DEPTOR: variants seen among roughly 807,000 people sequenced by gnomAD.
DEPTOR encodes the protein DEP domain containing MTOR interacting protein.
DEPTOR carries 41 observed loss-of-function variants against 41.6 expected under a neutral mutation model. The observed-to-expected ratio is 0.98, with a 90% confidence interval of 0.77 to 1.28. The LOEUF is 1.28. Ranked by LOEUF, DEPTOR falls within the 50% of genes most tolerant of loss-of-function variation. DEPTOR has a pLI of 0.00. For missense variants in DEPTOR, 514 were observed against 527.9 expected, an observed-to-expected ratio of 0.97 and a Z score of 0.26; for synonymous variants, 195 against 192.3, an observed-to-expected ratio of 1.01 and a Z score of -0.12.
chr8:119,918,813 C>T (rs927348117), intron 1 of DEPTOR, among the ~76,000 whole-genome samples: 3 of 152,076 alleles, frequency 2.0e-5, no homozygotes, highest in Non-Finnish European at 4.4e-5. Context: ...AGGCTGGTCT[C>T]GAACTCCCAA....
chr8:120,023,333 C>T (rs951300117), intron 8 of DEPTOR, among the ~76,000 whole-genome samples: 5 of 152,014 alleles, frequency 3.3e-5, no homozygotes, highest in African/African-American at 7.2e-5. Context: ...CTCTGCTTCC[C>T]GGGTTCAAGT....
At chr8:119,944,243 T>C (rs1828240467) in intron 3 of DEPTOR, among the ~76,000 whole-genome samples, 1 of 152,218 alleles carries the variant, frequency 6.6e-6, no homozygotes, top group African/African-American at 2.4e-5. Flanking sequence ...CCCATCTCCT[T>C]GAGTGGACAG....
At chr8:119,934,445 T>C (rs1182025394) in intron 3 of DEPTOR, among the ~76,000 whole-genome samples, 1 of 152,216 alleles carries the variant, frequency 6.6e-6, no homozygotes, top group Admixed American at 6.5e-5. Flanking sequence ...GCAATGGCTG[T>C]AGGCTCTGGA....
intron 3 of DEPTOR, among the ~76,000 whole-genome samples, chr8:119,954,030 T>C (rs1279862944): frequency 1.7e-5 from 2 of 117,488 alleles, no homozygotes; most frequent in Non-Finnish European, 3.7e-5. Context: ...GGTCTCAAGA[T>C]CCTGACCTCA....
intron 1 of DEPTOR, among the ~76,000 whole-genome samples, chr8:119,914,725 C>T (rs1230093904): frequency 6.6e-6 from 1 of 152,236 alleles, no homozygotes; most frequent in Admixed American, 6.5e-5. Context: ...CAGGCGTGAG[C>T]TTGCCAATCC....
chr8:120,040,063 C>T lies in DEPTOR; in HGVS notation c.1102-9513C>T, dbSNP rs113939494. On this transcript the variant is annotated intron_variant, in intron 8 of 8. Transcript: ENST00000286234. ...TTCACCATGTTGGCCAGGCTGGTCTCGAACTCCTGACTCCAAGTGATGCGC... is the reference window on the plus strand; with the variant it reads ...TTCACCATGTTGGCCAGGCTGGTCTTGAACTCCTGACTCCAAGTGATGCGC... Among the ~76,000 whole-genome samples, 96 of 152,002 alleles carry T rather than the reference C, an allele frequency of 6.3e-4. 1 individual carries two copies. The highest frequency in any genetic ancestry group is 2.1e-3 in the African/African-American group (86 of 41,496).
chr8:119,892,944 G>A (rs962211155), intron 1 of DEPTOR, among the ~76,000 whole-genome samples: 8 of 152,082 alleles, frequency 5.3e-5, no homozygotes, highest in African/African-American at 1.4e-4. Context: ...CACCATGCCC[G>A]GCTAAATTTT....
At chr8:119,893,725 G>A (rs931860709) in intron 1 of DEPTOR, among the ~76,000 whole-genome samples, 2 of 152,020 alleles carry the variant, frequency 1.3e-5, no homozygotes, top group Admixed American at 6.6e-5. Flanking sequence ...CTACTCGGGA[G>A]GCTGAGGCAG....
chr8:119,991,549 C>T (rs1293648858), intron 4 of DEPTOR, among the ~76,000 whole-genome samples: 1 of 152,130 alleles, frequency 6.6e-6, no homozygotes, highest in African/African-American at 2.4e-5. Flanking sequence ...AACTCCTGGC[C>T]TCAAGTGGTC....
chr8:119,929,561 T>TATGATG (rs3834882), intron 2 of DEPTOR, among the ~76,000 whole-genome samples: 13 of 151,528 alleles, frequency 8.6e-5, no homozygotes, highest in South Asian at 8.3e-4. Context: ...ACTTCCTAAA[T>TATGATG]ATGATGATGA....
intron 4 of DEPTOR, among the ~76,000 whole-genome samples, chr8:119,991,915 G>A (rs1224882267): frequency 1.3e-5 from 2 of 152,174 alleles, no homozygotes; most frequent in Non-Finnish European, 2.9e-5. Context: ...CTGTCAGACT[G>A]TGATCTAGCA....
At chr8:119,980,195 C>T (rs938309071) in intron 4 of DEPTOR, among the ~76,000 whole-genome samples, 2 of 150,176 alleles carry the variant, frequency 1.3e-5, no homozygotes, top group African/African-American at 4.9e-5. Context: ...TTAAATTAAT[C>T]TTCATAATAT....
At chr8:120,047,211 G>A (rs531073050) in intron 8 of DEPTOR, among the ~76,000 whole-genome samples, 2 of 152,012 alleles carry the variant, frequency 1.3e-5, no homozygotes, top group African/African-American at 4.8e-5. Context: ...TAGTAGAGAT[G>A]GGGTTTCACC....
At chr8:120,033,597 G>A (rs1812928870) in intron 8 of DEPTOR, among the ~76,000 whole-genome samples, 1 of 152,170 alleles carries the variant, frequency 6.6e-6, no homozygotes, top group African/African-American at 2.4e-5. Flanking sequence ...TTGGCAAAAT[G>A]TTTTTCACTC....
chr8:119,944,917 G>C (rs559276635), intron 3 of DEPTOR, among the ~76,000 whole-genome samples: 1 of 152,116 alleles, frequency 6.6e-6, no homozygotes, highest in South Asian at 2.1e-4. Flanking sequence ...GCCTCCCAAA[G>C]TGCTGGGATT....
At chr8:120,005,019 A>T (rs1040560967) in intron 6 of DEPTOR, among the ~76,000 whole-genome samples, 3 of 152,188 alleles carry the variant, frequency 2.0e-5, no homozygotes, top group Non-Finnish European at 1.5e-5. Flanking sequence ...GCTTCCAAGG[A>T]TATGAAAAGA....
chr8:119,951,954 T>A (rs1828358619), intron 3 of DEPTOR, among the ~76,000 whole-genome samples: 1 of 152,010 alleles, frequency 6.6e-6, no homozygotes, highest in South Asian at 2.1e-4. Context: ...CTGGGCAACA[T>A]GGCAAAACCC....
intron 4 of DEPTOR, among the ~76,000 whole-genome samples, chr8:119,988,169 C>A (rs529347932): frequency 1.3e-5 from 2 of 152,250 alleles, no homozygotes; most frequent in Middle Eastern, 3.4e-3. Context: ...TCCTGGTCTG[C>A]GGGTTGTGAA....
chr8:119,909,564 A>G (rs917207508), intron 1 of DEPTOR, among the ~76,000 whole-genome samples: 7 of 152,262 alleles, frequency 4.6e-5, no homozygotes, highest in African/African-American at 1.7e-4. Context: ...AGGTGTAAAT[A>G]TGCAAATTAA....
Sources: gnomAD v4.1 joint callset for allele counts (sites outside exome capture counted in the v4.1 genomes callset) on GRCh38, gnomAD v4.1.1 for gene constraint, MANE v1.5 for transcripts, NCBI Gene and HGNC (gene_info 2026-07-23, HGNC 2026-07-21) for gene names.